PCSK9: variants seen among roughly 807,000 people sequenced by gnomAD.
The protein encoded by PCSK9 is convertase subtilisin/kexin type 9 preproprotein.
A neutral mutation model predicts 62.1 loss-of-function variants in PCSK9; 57 were observed. The ratio of observed to expected loss-of-function variants is 0.92; its 90% confidence interval spans 0.74 to 1.14. The LOEUF is 1.14. Ranked by LOEUF, PCSK9 falls within the 50% of genes most tolerant of loss-of-function variation. PCSK9 has a pLI of 0.00. For missense variants in PCSK9, 870 were observed against 959.8 expected (o/e 0.91, Z 1.24); for synonymous variants, 387 against 409.4 (o/e 0.95, Z 0.66).
chr1:55,058,766 A>T (rs1429669543), intron 9 of PCSK9, 119 bp downstream of exon 9: 4 of 1,523,772 alleles, frequency 2.6e-6, no homozygotes, highest in Non-Finnish European at 3.5e-6. Context: ...CATCCTCCAG[A>T]CTCCAGCTCT....
intron 9 of PCSK9, 58 bp downstream of exon 9, chr1:55,058,705 GTGTGTGTGTGT>G: frequency 6.8e-7 from 1 of 1,468,892 alleles, no homozygotes; most frequent in East Asian, 2.6e-5. Context: ...GTGTGTGTGT[GTGTGTGTGTGT>G]GTCAGTGCTG....
intron 5 of PCSK9, 28 bp from the exon 6 acceptor site, chr1:55,055,965 G>T: frequency 6.3e-7 from 1 of 1,588,346 alleles, no homozygotes; most frequent in South Asian, 1.1e-5. Flanking sequence ...GTCTCCCCAA[G>T]GGGTGACCTT....
At chr1:55,044,257 CGAG>C (rs1644618570) in intron 2 of PCSK9, among the ~76,000 whole-genome samples, 1 of 152,148 alleles carries the variant, frequency 6.6e-6, no homozygotes, top group Non-Finnish European at 1.5e-5. Flanking sequence ...ATTTGAAAGA[CGAG>C]GAGACTGAAG....
At position 55,062,434 on chromosome 1, in the gene PCSK9, A is replaced by C. The variant is rs534377991; in HGVS notation, c.1863+878A>C. On this transcript the variant is annotated intron_variant, in intron 11 of 11. Transcript: ENST00000302118. ...GTGCTCTTCCTGGCACTGGGGAGGG[A>C]TACAGGCCCAAGAGACATGCTGTTC... 1.2e-4 allele frequency among the ~76,000 whole-genome samples: 18 copies of C among 152,240 alleles called. No homozygotes were observed. The East Asian group carries it at 3.5e-3, about 29-fold the overall frequency.
chr1:55,059,077 G>A (rs1362546216), intron 9 of PCSK9, among the ~76,000 whole-genome samples: 1 of 152,220 alleles, frequency 6.6e-6, no homozygotes. Context: ...ACAGGATAGT[G>A]CACAGATGCC....
At chr1:55,061,227 CA>C (rs1438081550) in intron 10 of PCSK9, 147 bp from the exon 11 acceptor site, 4 of 911,266 alleles carry the variant, frequency 4.4e-6, no homozygotes, top group Non-Finnish European at 6.6e-6. Context: ...TCCTGGTGCT[CA>C]GGCCAGCATC....
chr1:55,040,107 C>T lies in PCSK9; in HGVS notation c.207+63C>T. ...AGCCGGGACGGTGCGGTGCTGTTTCCTCTCGGGCCTCAGTTTCCCCCCATG... is the reference window on the plus strand; with the variant it reads ...AGCCGGGACGGTGCGGTGCTGTTTCTTCTCGGGCCTCAGTTTCCCCCCATG... On this transcript the variant is annotated intron_variant, in intron 1 of 11. Coordinates refer to ENST00000302118, the MANE Select transcript of PCSK9 (RefSeq NM_174936.4). This position sits in a 1 kb window ranked among gnomAD's most constrained non-coding sequence, Gnocchi z 4.1. 1 of 1,522,946 alleles carries T rather than the reference C, an allele frequency of 6.6e-7. No homozygotes were observed. The highest frequency in any genetic ancestry group is 1.2e-5 in the South Asian group (1 of 83,130). The allele number at this position is 1,522,946 out of a possible 1,614,324, so 94.3% of individuals were successfully genotyped here. A position where few individuals can be genotyped will look rare whatever the true frequency, so the allele number is the denominator to read the frequency against.
chr1:55,052,432 G>T, intron 4 of PCSK9, 21 bp downstream of exon 4: 1 of 1,613,530 alleles, frequency 6.2e-7, no homozygotes. Context: ...CCGTCTGATG[G>T]GAGGGCTGCC....
intron 6 of PCSK9, 46 bp downstream of exon 6, chr1:55,056,235 GGCGGA>G (rs1216225220): frequency 3.1e-6 from 3 of 963,794 alleles, no homozygotes; most frequent in Non-Finnish European, 4.0e-6. Flanking sequence ...GGGGGCGGAG[GGCGGA>G]GGGCGGAGGG....
At position 55,039,713 on chromosome 1, in the gene PCSK9, GCCCTGCT is replaced by G; in HGVS notation, c.-122_-116del. 1 of 1,181,544 alleles carries G rather than the reference GCCCTGCT, an allele frequency of 8.5e-7. No homozygotes were observed. The allele number at this position is 1,181,544 out of a possible 1,614,324, so 73.2% of individuals were successfully genotyped here. A position where few individuals can be genotyped will look rare whatever the true frequency, so the allele number is the denominator to read the frequency against. On this transcript the variant is annotated 5_prime_UTR_variant, in exon 1 of 12. Coordinates refer to ENST00000302118, the MANE Select transcript of PCSK9 (RefSeq NM_174936.4). ...CAGGATTCCGCGCGCCCCTTCACGC[GCCCTGCT>G]CCTGAACTTCAGCTCCTGCACAGTC...
intron 7 of PCSK9, 126 bp from the exon 8 acceptor site, chr1:55,057,910 A>C: frequency 7.4e-7 from 1 of 1,358,848 alleles, no homozygotes; most frequent in Non-Finnish European, 1.0e-6. Context: ...CTTCGAGAAG[A>C]GAGCTTAGTG....
In PCSK9 at chr1:55,058,153, A is replaced by G; in HGVS notation, c.1298A>G (p.Gln433Arg). Residue 433 changes from glutamine (Q) to arginine (R), a missense_variant, in exon 8 of 12, where the codon CAG becomes CGG. Coordinates refer to ENST00000302118, the MANE Select transcript of PCSK9 (RefSeq NM_174936.4). ...VINEAWFPED[Q>R]RVLTPNLVAA... ...AATGAGGCCTGGTTCCCTGAGGACCAGCGGGTACTGACCCCCAACCTGGTG... is the reference window on the plus strand; with the variant it reads ...AATGAGGCCTGGTTCCCTGAGGACCGGCGGGTACTGACCCCCAACCTGGTG... The G allele has an allele frequency of 1.2e-6, 2 of 1,613,568 alleles. No individual in the cohort carries two copies. The highest frequency in any genetic ancestry group is 1.7e-6 in the Non-Finnish European group (2 of 1,180,030).
rs72646527 is a variant in PCSK9 at position 55,061,632 on chromosome 1, C to T, written c.1863+76C>T. On this transcript the variant is annotated intron_variant, in intron 11 of 11. Transcript: ENST00000302118. ...CACAGCTTTTCTGTGTCAGTTTGTG[C>T]CACCACCATACCGCCATGCATCAGG... 1,760 of 1,520,850 alleles carry T rather than the reference C, an allele frequency of 1.2e-3. 1 individual carries two copies. Among genetic ancestry groups the T allele is most frequent in the Non-Finnish European group, 1.5e-3 (1,643 of 1,119,998 alleles). The allele number at this position is 1,520,850 out of a possible 1,614,324, so 94.2% of individuals were successfully genotyped here.
chr1:55,052,797 T>C lies in PCSK9; in HGVS notation c.799+6T>C. ...GGTTAGCGGCACCCTCATAGGTAAG[T>C]GATGGCCCCAGACGCTGGTCTCTCT... On this transcript the variant is annotated splice_donor_region_variant and intron_variant, in intron 5 of 11. Coordinates refer to ENST00000302118, the MANE Select transcript of PCSK9 (RefSeq NM_174936.4). 1.2e-6 allele frequency: 2 copies of C among 1,612,946 alleles called. No homozygotes were observed. The highest frequency in any genetic ancestry group is 1.7e-6 in the Non-Finnish European group (2 of 1,179,924).
intron 1 of PCSK9, among the ~76,000 whole-genome samples, chr1:55,041,269 C>G (rs1644596459): frequency 6.6e-6 from 1 of 152,224 alleles, no homozygotes; most frequent in Non-Finnish European, 1.5e-5. Context: ...CTGCCACTCA[C>G]AGCTGCCTGC....
intron 5 of PCSK9, 146 bp from the exon 6 acceptor site, chr1:55,055,847 G>A: frequency 4.1e-6 from 3 of 727,616 alleles, no homozygotes; most frequent in East Asian, 2.8e-5. Context: ...AAATATTTTC[G>A]CAGCAGCATT....
At chr1:55,059,913 C>A (rs887141039) in intron 10 of PCSK9, among the ~76,000 whole-genome samples, 1 of 152,220 alleles carries the variant, frequency 6.6e-6, no homozygotes, top group African/African-American at 2.4e-5. Flanking sequence ...AGGAGATGGG[C>A]AGCATCTAGG....
intron 1 of PCSK9, among the ~76,000 whole-genome samples, chr1:55,043,264 C>G (rs1644609220): frequency 1.3e-5 from 2 of 152,376 alleles, no homozygotes; most frequent in South Asian, 4.1e-4. Context: ...CTTCTGCCTG[C>G]ATTTGTAGAG....
rs760055046 is a variant in PCSK9, at chr1:55,057,889, A to C, written c.1181-147A>C. 8.8e-5 allele frequency: 99 copies of C among 1,119,034 alleles called. No homozygotes were observed. In the Middle Eastern group the frequency reaches 1.5e-3, roughly 17 times the overall value. The allele number at this position is 1,119,034 out of a possible 1,614,324, so 69.3% of individuals were successfully genotyped here. On this transcript the variant is annotated intron_variant, in intron 7 of 11. Coordinates refer to ENST00000302118, the MANE Select transcript of PCSK9 (RefSeq NM_174936.4). ...TCTTACCTCACTGAGTAAGGACTGC[A>C]GGCGGCTTACCTTCGAGAAGAGAGC...
Sources: allele counts gnomAD v4.1 joint callset (sites outside exome capture counted in the v4.1 genomes callset), GRCh38; gene constraint gnomAD v4.1.1; non-coding constraint Gnocchi (gnomAD v3.1); transcripts MANE v1.5; gene names NCBI Gene and HGNC (gene_info 2026-07-23, HGNC 2026-07-21).